The following OPCML variants were observed in gnomAD, a reference collection of about 807,000 sequenced individuals.
OPCML encodes the protein opioid binding protein/cell adhesion molecule like, also known as opioid-binding protein/cell adhesion molecule.
In OPCML, 13 loss-of-function variants were observed where a neutral mutation model predicts 37.8. The observed-to-expected ratio is 0.34, with a 90% CI of 0.22 to 0.55. OPCML has a LOEUF of 0.55. Ranked by LOEUF, OPCML falls within the 20% of genes least tolerant of loss-of-function variation. The pLI is 0.91. For synonymous variants in OPCML, 176 were observed against 168.8 expected (o/e 1.04, Z -0.33); for missense variants, 341 against 435.6 (o/e 0.78, Z 1.93).
chr11:133,392,445 G>T (rs148910319), intron 1 of OPCML, among the ~76,000 whole-genome samples: 2 of 152,178 alleles, frequency 1.3e-5, no homozygotes, highest in Admixed American at 1.3e-4. Flanking sequence ...AAGCCCAAAG[G>T]AGAGGCTAGG....
At chr11:133,136,833 G>A (rs1186372457) in intron 1 of OPCML, among the ~76,000 whole-genome samples, 7 of 73,114 alleles carry the variant, frequency 9.6e-5, no homozygotes, top group Non-Finnish European at 1.4e-4. Flanking sequence ...GTGCACGTGT[G>A]TGTGTGTGTG....
At chr11:133,340,140 G>A (rs1372600342) in intron 1 of OPCML, among the ~76,000 whole-genome samples, 1 of 152,200 alleles carries the variant, frequency 6.6e-6, no homozygotes, top group Non-Finnish European at 1.5e-5. Flanking sequence ...GAACTCTGTG[G>A]ATTGCAGTAG....
chr11:132,789,426 T>C (rs562064180), intron 2 of OPCML, among the ~76,000 whole-genome samples: 16 of 152,130 alleles, frequency 1.1e-4, no homozygotes, highest in Non-Finnish European at 2.1e-4. Context: ...AGGTGATAGA[T>C]GCTTAGAAAA....
At chr11:133,413,186 AG>A in intron 1 of OPCML, among the ~76,000 whole-genome samples, 1 of 152,234 alleles carries the variant, frequency 6.6e-6, no homozygotes, top group African/African-American at 2.4e-5. Context: ...CAGATGTTGT[AG>A]GGGCTCTGGA....
intron 1 of OPCML, among the ~76,000 whole-genome samples, chr11:133,058,657 T>C (rs186843736): frequency 5.4e-4 from 83 of 152,312 alleles, no homozygotes; most frequent in Non-Finnish European, 1.1e-3. Context: ...CTAAATCAGG[T>C]AGTGAGCGCG....
chr11:132,836,648 C>T (rs1941016741), intron 2 of OPCML, among the ~76,000 whole-genome samples: 1 of 152,132 alleles, frequency 6.6e-6, no homozygotes. Flanking sequence ...ATTATATTAT[C>T]TGCTAATATT....
intron 2 of OPCML, among the ~76,000 whole-genome samples, chr11:132,726,148 G>T (rs1025447639): frequency 6.6e-6 from 1 of 152,086 alleles, no homozygotes; most frequent in Non-Finnish European, 1.5e-5. Context: ...TTTCAGCAGC[G>T]CCCCACTCTA....
rs1950315358 is a variant in OPCML, at chr11:133,173,460, C to G, written c.62-230450G>C. Among the ~76,000 whole-genome samples the G allele has an allele frequency of 6.6e-6, 1 of 152,126 alleles. No homozygotes were observed. ...AGTGAACAAATAAATAAATGAGCAACCACTAGCCACAGATGGATTCCTAGA... is the reference window on the plus strand; with the variant it reads ...AGTGAACAAATAAATAAATGAGCAAGCACTAGCCACAGATGGATTCCTAGA... On this transcript the variant is annotated intron_variant, in intron 1 of 7. Coordinates refer to ENST00000524381, the MANE Select transcript of OPCML (RefSeq NM_001012393.5). The surrounding 1 kb of genome is among the most constrained non-coding windows in gnomAD (Gnocchi z 7.8).
At chr11:132,690,045 G>A (rs1943335592) in intron 2 of OPCML, among the ~76,000 whole-genome samples, 1 of 152,134 alleles carries the variant, frequency 6.6e-6, no homozygotes, top group Admixed American at 6.5e-5. Flanking sequence ...GATCACACTG[G>A]CCCAAGGCTA....
chr11:133,473,739 C>T (rs1000496580), intron 1 of OPCML, among the ~76,000 whole-genome samples: 4 of 152,188 alleles, frequency 2.6e-5, no homozygotes, highest in African/African-American at 4.8e-5. Flanking sequence ...GGATCACTGG[C>T]CATCTCTGGA....
intron 2 of OPCML, among the ~76,000 whole-genome samples, chr11:132,739,446 G>C (rs1945367835): frequency 6.6e-6 from 1 of 152,150 alleles, no homozygotes; most frequent in Admixed American, 6.5e-5. Context: ...TAGTATTCTG[G>C]AACAAACTTT....
At chr11:132,862,740 G>T (rs2136364326) in intron 2 of OPCML, among the ~76,000 whole-genome samples, 1 of 152,252 alleles carries the variant, frequency 6.6e-6, no homozygotes, top group East Asian at 1.9e-4. Context: ...GTCTGCGCTA[G>T]CCTTCCCTTG....
At chr11:133,251,687 C>G (rs1418127856) in intron 1 of OPCML, among the ~76,000 whole-genome samples, 1 of 152,052 alleles carries the variant, frequency 6.6e-6, no homozygotes, top group Non-Finnish European at 1.5e-5. Flanking sequence ...AAGTCAGTAT[C>G]AAAGAGTCTG....
intron 3 of OPCML, among the ~76,000 whole-genome samples, chr11:132,646,847 G>A (rs1941175425): frequency 6.6e-6 from 1 of 152,126 alleles, no homozygotes; most frequent in Non-Finnish European, 1.5e-5. Context: ...ATCAAACATT[G>A]GAGAATGGAA....
chr11:132,937,919 A>T (rs915559291), intron 2 of OPCML, among the ~76,000 whole-genome samples: 10 of 151,790 alleles, frequency 6.6e-5, no homozygotes, highest in Admixed American at 6.6e-4. Context: ...GACCTCAGGG[A>T]TAGTGAAGAC....
At chr11:132,710,600 C>A (rs2135947076) in intron 2 of OPCML, among the ~76,000 whole-genome samples, 1 of 152,116 alleles carries the variant, frequency 6.6e-6, no homozygotes, top group South Asian at 2.1e-4. Context: ...TGCCTGTAAT[C>A]CCAGCACTTT....
chr11:132,621,812 T>A (rs1455074720), intron 3 of OPCML, among the ~76,000 whole-genome samples: 1 of 152,202 alleles, frequency 6.6e-6, no homozygotes, highest in Non-Finnish European at 1.5e-5. Context: ...TTCCTGAGGT[T>A]TTATGGAGTA....
At chr11:132,780,426 T>G (rs184761731) in intron 2 of OPCML, among the ~76,000 whole-genome samples, 9 of 152,310 alleles carry the variant, frequency 5.9e-5, no homozygotes, top group African/African-American at 2.2e-4. Flanking sequence ...GTTTTTCTAT[T>G]CCTCAGATTT....
At chr11:133,123,650 T>G (rs1457321175) in intron 1 of OPCML, among the ~76,000 whole-genome samples, 1 of 151,898 alleles carries the variant, frequency 6.6e-6, no homozygotes, top group African/African-American at 2.4e-5. Context: ...GATGGGTTCT[T>G]GGAGAGTTCT....
Sources: allele counts gnomAD v4.1 joint callset (sites outside exome capture counted in the v4.1 genomes callset), GRCh38; gene constraint gnomAD v4.1.1; non-coding constraint Gnocchi (gnomAD v3.1); transcripts MANE v1.5; gene names NCBI Gene and HGNC (gene_info 2026-07-23, HGNC 2026-07-21).